NTNG1: variants seen among roughly 807,000 people sequenced by gnomAD.
NTNG1 encodes the protein netrin G1.
Under a neutral mutation model 54.0 loss-of-function variants are expected in NTNG1, and 16 were observed. That is an observed-to-expected ratio of 0.30 (90% confidence interval 0.20 to 0.45). The LOEUF (loss-of-function observed/expected upper bound fraction) is 0.45. NTNG1 is among the 20% of genes least tolerant of loss of function. NTNG1 has a pLI of 1.00. For synonymous variants in NTNG1, 255 were observed against 263.1 expected, an observed-to-expected ratio of 0.97 and a Z score of 0.30; for missense variants, 530 against 678.7, an observed-to-expected ratio of 0.78 and a Z score of 2.43.
chr1:107,336,549 A>C (rs1301682455), intron 3 of NTNG1, among the ~76,000 whole-genome samples: 1 of 152,030 alleles, frequency 6.6e-6, no homozygotes, highest in Admixed American at 6.6e-5. Context: ...AGAAAACTTC[A>C]TGACATTAAA....
intron 2 of NTNG1, among the ~76,000 whole-genome samples, chr1:107,310,792 C>T (rs549268310): frequency 2.0e-5 from 3 of 151,936 alleles, no homozygotes; most frequent in East Asian, 1.9e-4. Flanking sequence ...CCCTGAAATA[C>T]ACTACCCATG....
At chr1:107,154,519 C>A (rs1654815797) in intron 2 of NTNG1, among the ~76,000 whole-genome samples, 1 of 147,270 alleles carries the variant, frequency 6.8e-6, no homozygotes, top group Non-Finnish European at 1.5e-5. Context: ...TCTGTTGAGC[C>A]CAGGAGGTCA....
intron 2 of NTNG1, among the ~76,000 whole-genome samples, chr1:107,208,816 A>C (rs867724899): frequency 6.6e-6 from 1 of 152,068 alleles, no homozygotes; most frequent in African/African-American, 2.4e-5. Context: ...AGTTCAGCTG[A>C]CTGAAATGTC....
chr1:107,306,891 T>C (rs1201501617), intron 2 of NTNG1, among the ~76,000 whole-genome samples: 4 of 152,230 alleles, frequency 2.6e-5, no homozygotes, highest in Non-Finnish European at 4.4e-5. Context: ...TAGTCTTCAT[T>C]GTATACCTGG....
At chr1:107,225,677 T>C (rs1411144951) in intron 2 of NTNG1, among the ~76,000 whole-genome samples, 1 of 152,184 alleles carries the variant, frequency 6.6e-6, no homozygotes, top group Admixed American at 6.6e-5. Flanking sequence ...GTTATATTTT[T>C]CTATGTGCGA....
At chr1:107,475,247 T>C (rs1440394385) in intron 7 of NTNG1, among the ~76,000 whole-genome samples, 1 of 152,222 alleles carries the variant, frequency 6.6e-6, no homozygotes, top group Admixed American at 6.5e-5. Context: ...AATGTGGCAC[T>C]GTGCAATATT....
intron 2 of NTNG1, among the ~76,000 whole-genome samples, chr1:107,150,628 T>C (rs1259991542): frequency 6.6e-6 from 1 of 152,194 alleles, no homozygotes; most frequent in Non-Finnish European, 1.5e-5. Flanking sequence ...TTCCCTCTCA[T>C]AAGCCCTGTG....
At chr1:107,247,669 C>T (rs957112394) in intron 2 of NTNG1, among the ~76,000 whole-genome samples, 1 of 152,172 alleles carries the variant, frequency 6.6e-6, no homozygotes, top group African/African-American at 2.4e-5. Flanking sequence ...GAATGTCAAA[C>T]TTGTAATGCC....
At chr1:107,350,955 C>T (rs919733013) in intron 3 of NTNG1, among the ~76,000 whole-genome samples, 1 of 152,048 alleles carries the variant, frequency 6.6e-6, no homozygotes, top group African/African-American at 2.4e-5. Context: ...ATATTGTAGA[C>T]CTAAAATTTG....
rs575952831 is a variant in NTNG1, at chr1:107,329,649, G to T, written c.887+4727G>T. ...TTTGTAAGAGACATCCCACAAAAATGCTTTTAAAGCATTGAGCCTGGCCTT... is the reference window on the plus strand; with the variant it reads ...TTTGTAAGAGACATCCCACAAAAATTCTTTTAAAGCATTGAGCCTGGCCTT... On this transcript the variant is annotated intron_variant, in intron 3 of 7. Transcript: ENST00000370068. 1.3e-3 allele frequency among the ~76,000 whole-genome samples: 192 copies of T among 152,222 alleles called. 1 individual carries two copies. Among genetic ancestry groups the T allele is most frequent in the African/African-American group, 4.5e-3 (187 of 41,548 alleles).
In NTNG1 at chr1:107,430,786, A is replaced by G. The variant is rs1242346456; in HGVS notation, c.1124A>G (p.Tyr375Cys). Residue 375 changes from tyrosine (Y) to cysteine (C), a missense_variant, in exon 6 of 8, where the codon TAT becomes TGT. Tyr to Cys is a radical substitution (Grantham distance 194). Coordinates refer to ENST00000370068, the MANE Select transcript of NTNG1 (RefSeq NM_001113226.3). ...TTCGGCCACTCCAATCGATGCAGTT[A>G]TATCGATCTGCTAAATACAGTCATT... ...ECFGHSNRCS[Y>C]IDLLNTVICV... 4 of 1,613,306 alleles carry G rather than the reference A, an allele frequency of 2.5e-6. No homozygotes were observed. The highest frequency in any genetic ancestry group is 3.4e-6 in the Non-Finnish European group (4 of 1,179,588).
rs145528735 is a variant in NTNG1, at chr1:107,318,062, G to A, written c.247-6220G>A. Among the ~76,000 whole-genome samples the A allele has an allele frequency of 4.3e-4, 66 of 152,304 alleles. No individual in the cohort carries two copies. The East Asian group carries it at 0.012, about 27-fold the overall frequency. ...ACAGTCCCATAGTATTTAGGATGTAGTAGTCCCACTTTATCCACAGTTTTA... is the reference window on the plus strand; with the variant it reads ...ACAGTCCCATAGTATTTAGGATGTAATAGTCCCACTTTATCCACAGTTTTA... On this transcript the variant is annotated intron_variant, in intron 2 of 7. Coordinates refer to ENST00000370068, the MANE Select transcript of NTNG1 (RefSeq NM_001113226.3).
rs114687200 is a variant in NTNG1, at chr1:107,239,374, G to A, written c.247-84908G>A. Among the ~76,000 whole-genome samples, 1,362 of 152,304 alleles carry A rather than the reference G, an allele frequency of 8.9e-3. 17 individuals are homozygous for A. Among genetic ancestry groups the A allele is most frequent in the African/African-American group, 0.031 (1,303 of 41,564 alleles). ...TAGATTGGAATGGAAATGAATGGGT[G>A]GGACAGGTTTGACATCTCATTTTGA... is the stretch of plus-strand genomic sequence containing the variant. On this transcript the variant is annotated intron_variant, in intron 2 of 7. Coordinates refer to ENST00000370068, the MANE Select transcript of NTNG1 (RefSeq NM_001113226.3).
At chr1:107,296,937 T>C (rs917499101) in intron 2 of NTNG1, among the ~76,000 whole-genome samples, 5 of 149,388 alleles carry the variant, frequency 3.3e-5, no homozygotes, top group African/African-American at 7.3e-5. Flanking sequence ...TTACACTGTG[T>C]TCAGTTTTTG....
chr1:107,157,280 A>G (rs1298340558), intron 2 of NTNG1, among the ~76,000 whole-genome samples: 1 of 152,212 alleles, frequency 6.6e-6, no homozygotes, highest in East Asian at 1.9e-4. Flanking sequence ...AAACTGTTGT[A>G]TAGTATTCTA....
At chr1:107,276,794 C>T (rs1244085677) in intron 2 of NTNG1, among the ~76,000 whole-genome samples, 1 of 151,316 alleles carries the variant, frequency 6.6e-6, no homozygotes, top group Non-Finnish European at 1.5e-5. Context: ...CTAGTATTCC[C>T]TGGCCTCCTT....
intron 2 of NTNG1, among the ~76,000 whole-genome samples, chr1:107,293,904 A>G (rs1446573942): frequency 1.3e-5 from 2 of 152,044 alleles, no homozygotes; most frequent in East Asian, 3.9e-4. Flanking sequence ...TTTCTTGTGT[A>G]TATTTTCCAG....
chr1:107,410,758 T>A (rs924858749), intron 5 of NTNG1, among the ~76,000 whole-genome samples: 1 of 152,216 alleles, frequency 6.6e-6, no homozygotes, highest in Admixed American at 6.5e-5. Flanking sequence ...GGTGTTTTTG[T>A]TCAAGTGATA....
intron 2 of NTNG1, among the ~76,000 whole-genome samples, chr1:107,283,459 T>A (rs1334097177): frequency 1.3e-5 from 2 of 152,158 alleles, no homozygotes; most frequent in Non-Finnish European, 2.9e-5. Context: ...CAAACCCACA[T>A]GGGTTATGTT....
Sources: allele counts gnomAD v4.1 joint callset (sites outside exome capture counted in the v4.1 genomes callset), GRCh38; gene constraint gnomAD v4.1.1; transcripts MANE v1.5; gene names NCBI Gene and HGNC (gene_info 2026-07-23, HGNC 2026-07-21).